The following KCNQ1 variants were observed in gnomAD, a reference collection of about 807,000 sequenced individuals.
KCNQ1 encodes potassium voltage-gated channel subfamily KQT member 1.
KCNQ1 carries 49 observed loss-of-function variants against 72.4 expected under a neutral mutation model. The ratio of observed to expected loss-of-function variants is 0.68; its 90% confidence interval spans 0.54 to 0.86. The LOEUF is 0.86. Among genes scored for constraint, KCNQ1 ranks in the 40% least tolerant of loss-of-function variants. The probability of loss-of-function intolerance (pLI) is 0.00; values close to 1 mark genes in which losing one functional copy is unlikely to be tolerated. For missense variants in KCNQ1, 790 were observed against 945.1 expected (o/e 0.84, Z 2.15); for synonymous variants, 450 against 412.6 (o/e 1.09, Z -1.10).
At chr11:2,705,591 G>T (rs990961610) in intron 11 of KCNQ1, among the ~76,000 whole-genome samples, 6 of 152,184 alleles carry the variant, frequency 3.9e-5, no homozygotes, top group African/African-American at 1.2e-4. Context: ...CAAGCTCGGG[G>T]TGTGTGCCCC....
At position 2,767,363 on chromosome 11, in the gene KCNQ1, C is replaced by CAAA. The variant is rs1846518508; in HGVS notation, c.1515-1480_1515-1479insAAA. On this transcript the variant is annotated intron_variant, in intron 11 of 15. Transcript: ENST00000155840. The surrounding 1 kb of genome is among the most constrained non-coding windows in gnomAD (Gnocchi z 4.6). ...TGAATTATATACCGTGTACATTCCC[C>CAAA]AGTACTCTTTCATCAGTGAAGTCAC... 1.3e-5 allele frequency among the ~76,000 whole-genome samples: 2 copies of CAAA among 152,140 alleles called. No individual in the cohort carries two copies. Among genetic ancestry groups the CAAA allele is most frequent in the South Asian group, 4.1e-4 (2 of 4,828 alleles).
chr11:2,729,806 A>C (rs953298434), intron 11 of KCNQ1, among the ~76,000 whole-genome samples: 1 of 152,114 alleles, frequency 6.6e-6, no homozygotes, highest in African/African-American at 2.4e-5. Context: ...GCTGCACTTT[A>C]GTATTTATCT....
intron 10 of KCNQ1, chr11:2,614,501 T>C (rs1314649179): frequency 1.3e-5 from 5 of 398,392 alleles, no homozygotes; most frequent in Non-Finnish European, 1.3e-5. Context: ...TACTAAGAAA[T>C]TTATGCCTTT....
chr11:2,795,175 G>A (rs1253993836), intron 15 of KCNQ1, among the ~76,000 whole-genome samples: 4 of 152,186 alleles, frequency 2.6e-5, no homozygotes, highest in Non-Finnish European at 5.9e-5. Context: ...TCCGCATCTC[G>A]CCTCCCCTAC....
In KCNQ1 at chr11:2,613,011, C is replaced by G; in HGVS notation, c.1393+24157C>G. On this transcript the variant is annotated intron_variant, in intron 10 of 15. Transcript: ENST00000155840. The surrounding 1 kb of genome is among the most constrained non-coding windows in gnomAD (Gnocchi z 4.8). ...TTGCTCAGTTTTGTTTGTTTTAATTCTTATGTTTGTTTTGTAAGCCTGGCT... is the reference window on the plus strand; with the variant it reads ...TTGCTCAGTTTTGTTTGTTTTAATTGTTATGTTTGTTTTGTAAGCCTGGCT... 1 of 398,550 alleles carries G rather than the reference C, an allele frequency of 2.5e-6. No individual in the cohort carries two copies. The highest frequency in any genetic ancestry group is 4.4e-6 in the Non-Finnish European group (1 of 226,092). 24.7% of individuals were successfully genotyped at this position (398,550 alleles called of 1,614,324 possible).
rs1847322466 is a variant in KCNQ1, at chr11:2,803,869, C to G, written c.1794+25832C>G. On this transcript the variant is annotated intron_variant, in intron 15 of 15. Coordinates refer to ENST00000155840, the MANE Select transcript of KCNQ1 (RefSeq NM_000218.3). The surrounding 1 kb of genome is among the most constrained non-coding windows in gnomAD (Gnocchi z 6.4). ...CAGCTTTTATGCACACTCAGGTACTCAGGACACCCCACACCAGCCATTGGA... is the reference window on the plus strand; with the variant it reads ...CAGCTTTTATGCACACTCAGGTACTGAGGACACCCCACACCAGCCATTGGA... Among the ~76,000 whole-genome samples the G allele has an allele frequency of 6.6e-6, 1 of 152,150 alleles. No individual in the cohort carries two copies.
chr11:2,808,012 G>A lies in KCNQ1; in HGVS notation c.1794+29975G>A, dbSNP rs566651366. ...GAACGGTCTCTCTGGGGGCAGGGCCGGTGGTACCTGGAGCCCTCCCCACTG... is the reference window on the plus strand; with the variant it reads ...GAACGGTCTCTCTGGGGGCAGGGCCAGTGGTACCTGGAGCCCTCCCCACTG... On this transcript the variant is annotated intron_variant, in intron 15 of 15. Transcript: ENST00000155840. This position sits in a 1 kb window ranked among gnomAD's most constrained non-coding sequence, Gnocchi z 6.0. 3.5e-4 allele frequency among the ~76,000 whole-genome samples: 53 copies of A among 152,266 alleles called. 2 individuals are homozygous for A. Among genetic ancestry groups the A allele is most frequent in the South Asian group, 1.5e-3 (7 of 4,826 alleles).
chr11:2,684,066 A>C, intron 11 of KCNQ1: 1 of 398,516 alleles, frequency 2.5e-6, no homozygotes, highest in Non-Finnish European at 4.4e-6. Context: ...TGTTTAGAGT[A>C]AATAATTCAT....
At position 2,547,772 on chromosome 11, in the gene KCNQ1, A is replaced by G. The variant is rs1285854095; in HGVS notation, c.477+19754A>G. Among the ~76,000 whole-genome samples the G allele has an allele frequency of 1.3e-5, 2 of 152,088 alleles. No homozygotes were observed. On this transcript the variant is annotated intron_variant, in intron 2 of 15. Coordinates refer to ENST00000155840, the MANE Select transcript of KCNQ1 (RefSeq NM_000218.3). The surrounding 1 kb of genome is among the most constrained non-coding windows in gnomAD (Gnocchi z 4.2). ...TCGCGGGTAAGAAATGGTGAGTGGC[A>G]TGGAAGGGGAGGGGCGGCAGTTCTC...
rs1418964594 is a variant in KCNQ1 at position 2,733,808 on chromosome 11, ACACACACTCTCT to A, written c.1515-35032_1515-35021del. ...CACACACACACACACACACACACAC[ACACACACTCTCT>A]CACTCTCTCTCTCTCTCTCTCTCTC... is the stretch of plus-strand genomic sequence containing the variant. On this transcript the variant is annotated intron_variant, in intron 11 of 15. Coordinates refer to ENST00000155840, the MANE Select transcript of KCNQ1 (RefSeq NM_000218.3). Among the ~76,000 whole-genome samples, 184 of 63,316 alleles carry A rather than the reference ACACACACTCTCT, an allele frequency of 2.9e-3. 1 individual carries two copies. Among genetic ancestry groups the A allele is most frequent in the South Asian group, 6.7e-3 (14 of 2,104 alleles). 41.5% of individuals were successfully genotyped at this position (63,316 alleles called of 152,430 possible). A position where few individuals can be genotyped will look rare whatever the true frequency, so the allele number is the denominator to read the frequency against.
rs1847285616 is a variant in KCNQ1, at chr11:2,516,154, C to A, written c.387-11774C>A. 6.6e-6 allele frequency among the ~76,000 whole-genome samples: 1 copy of A among 152,044 alleles called. No individual in the cohort carries two copies. Among genetic ancestry groups the A allele is most frequent in the African/African-American group, 2.4e-5 (1 of 41,394 alleles). On this transcript the variant is annotated intron_variant, in intron 1 of 15. Transcript: ENST00000155840. This position sits in a 1 kb window ranked among gnomAD's most constrained non-coding sequence, Gnocchi z 7.0. ...GGGGTGCTTCGAGGTGCTGTGGGGACCTGTGATGCTGTCAGGGAGACCCGG... is the reference window on the plus strand; with the variant it reads ...GGGGTGCTTCGAGGTGCTGTGGGGAACTGTGATGCTGTCAGGGAGACCCGG...
chr11:2,534,496 T>C (rs1186982692), intron 2 of KCNQ1, among the ~76,000 whole-genome samples: 3 of 152,196 alleles, frequency 2.0e-5, no homozygotes. Context: ...CCGCTGAGGG[T>C]TGTCTTCCTC....
rs1845705782 is a variant in KCNQ1 at position 2,723,498 on chromosome 11, G to A, written c.1515-45346G>A. ...CTGTGGCACGTGGAAGCCCTACACAGGCAGCCCCACACCTGGTCCGCTGTT... is the reference window on the plus strand; with the variant it reads ...CTGTGGCACGTGGAAGCCCTACACAAGCAGCCCCACACCTGGTCCGCTGTT... On this transcript the variant is annotated intron_variant, in intron 11 of 15. Transcript: ENST00000155840. This position sits in a 1 kb window ranked among gnomAD's most constrained non-coding sequence, Gnocchi z 4.2. Among the ~76,000 whole-genome samples, 1 of 152,222 alleles carries A rather than the reference G, an allele frequency of 6.6e-6. No individual in the cohort carries two copies. The highest frequency in any genetic ancestry group is 2.1e-4 in the South Asian group (1 of 4,830).
chr11:2,816,814 C>G lies in KCNQ1; in HGVS notation c.1795-30953C>G, dbSNP rs1022470268. ...GGAGGCCTTCCCTGAGCCCCTGCCC[C>G]CTCCATTTCAGACATCTCCATCTGA... On this transcript the variant is annotated intron_variant, in intron 15 of 15. Coordinates refer to ENST00000155840, the MANE Select transcript of KCNQ1 (RefSeq NM_000218.3). This position sits in a 1 kb window ranked among gnomAD's most constrained non-coding sequence, Gnocchi z 6.8. 3.3e-5 allele frequency among the ~76,000 whole-genome samples: 5 copies of G among 152,030 alleles called. No homozygotes were observed. Among genetic ancestry groups the G allele is most frequent in the African/African-American group, 1.2e-4 (5 of 41,398 alleles).
rs1846853344 is a variant in KCNQ1, at chr11:2,492,574, A to C, written c.387-35354A>C. On this transcript the variant is annotated intron_variant, in intron 1 of 15. Coordinates refer to ENST00000155840, the MANE Select transcript of KCNQ1 (RefSeq NM_000218.3). The surrounding 1 kb of genome is among the most constrained non-coding windows in gnomAD (Gnocchi z 4.1). ...CCCCTCCCTGTGTCCGTGTATTCTC[A>C]TTGTTCAACTTCCACTTATGAGTGA... Among the ~76,000 whole-genome samples, 1 of 152,050 alleles carries C rather than the reference A, an allele frequency of 6.6e-6. No individual in the cohort carries two copies. Among genetic ancestry groups the C allele is most frequent in the Non-Finnish European group, 1.5e-5 (1 of 68,022 alleles).
At chr11:2,580,260 G>C (rs56320672) in intron 6 of KCNQ1, among the ~76,000 whole-genome samples, 1 of 151,726 alleles carries the variant, frequency 6.6e-6, no homozygotes, top group African/African-American at 2.4e-5. Context: ...GGCTGCCTCG[G>C]GAGGCAGCCG....
Position 2,515,693 on chromosome 11 carries a change from T to C in KCNQ1, c.387-12235T>C, listed in dbSNP as rs1261630271. Reference sequence around the variant, plus strand: ...GGCAGATAGGGCCACATCCATGGGGTCACTTCAGTTTGTCCTCCCGGCGCC... The same window carrying C: ...GGCAGATAGGGCCACATCCATGGGGCCACTTCAGTTTGTCCTCCCGGCGCC... On this transcript the variant is annotated intron_variant, in intron 1 of 15. Coordinates refer to ENST00000155840, the MANE Select transcript of KCNQ1 (RefSeq NM_000218.3). This position sits in a 1 kb window ranked among gnomAD's most constrained non-coding sequence, Gnocchi z 4.7. Among the ~76,000 whole-genome samples, 1 of 151,862 alleles carries C rather than the reference T, an allele frequency of 6.6e-6. No homozygotes were observed. The highest frequency in any genetic ancestry group is 2.4e-5 in the African/African-American group (1 of 41,338).
rs1324418713 is a variant in KCNQ1 at position 2,658,004 on chromosome 11, G to A, written c.1394-3957G>A. 3 of 398,414 alleles carry A rather than the reference G, an allele frequency of 7.5e-6. No individual in the cohort carries two copies. Among genetic ancestry groups the A allele is most frequent in the African/African-American group, 4.1e-5 (2 of 48,606 alleles). 24.7% of individuals were successfully genotyped at this position (398,414 alleles called of 1,614,324 possible). A position where few individuals can be genotyped will look rare whatever the true frequency, so the allele number is the denominator to read the frequency against. On this transcript the variant is annotated intron_variant, in intron 10 of 15. Transcript: ENST00000155840. The surrounding 1 kb of genome is among the most constrained non-coding windows in gnomAD (Gnocchi z 4.9). ...GCTCCTCCACTGTAAGTGAATAGCT[G>A]TTTTTCCCTTTCCATAGCTTAGTCT...
intron 1 of KCNQ1, among the ~76,000 whole-genome samples, chr11:2,524,779 G>A (rs562185463): frequency 9.2e-5 from 14 of 152,342 alleles, no homozygotes; most frequent in African/African-American, 3.1e-4. Flanking sequence ...GCACCTGTGG[G>A]CCACTTCTTT....
Sources: allele counts gnomAD v4.1 joint callset (sites outside exome capture counted in the v4.1 genomes callset), GRCh38; gene constraint gnomAD v4.1.1; non-coding constraint Gnocchi (gnomAD v3.1); transcripts MANE v1.5; gene names NCBI Gene and HGNC (gene_info 2026-07-23, HGNC 2026-07-21).